CUBN: variants seen among roughly 807,000 people sequenced by gnomAD.
CUBN encodes 460 kDa receptor.
CUBN carries 282 observed loss-of-function variants against 405.3 expected under a neutral mutation model. The observed-to-expected ratio is 0.70, with a 90% confidence interval of 0.63 to 0.77. The LOEUF (loss-of-function observed/expected upper bound fraction) is 0.77. Ranked by LOEUF, CUBN falls within the 30% of genes least tolerant of loss-of-function variation. CUBN has a pLI of 0.00. For missense variants in CUBN, 4,514 were observed against 4,475.2 expected (o/e 1.01, Z -0.25); for synonymous variants, 1,684 against 1,617.0 (o/e 1.04, Z -0.99).
At chr10:17,122,979 G>T (rs1037806081) in intron 5 of CUBN, 81 bp from the exon 6 acceptor site, 17 of 927,580 alleles carry the variant, frequency 1.8e-5, no homozygotes, top group Non-Finnish European at 3.1e-5. Flanking sequence ...TACGTTTAAG[G>T]ATTTATACGT....
At chr10:17,084,550 A>AC in intron 16 of CUBN, 89 bp from the exon 17 acceptor site, 1 of 923,452 alleles carries the variant, frequency 1.1e-6, no homozygotes, top group Non-Finnish European at 1.7e-6. Flanking sequence ...ATTTACCCAC[A>AC]CACACACACA....
At position 16,898,983 on chromosome 10, in the gene CUBN, C is replaced by A. The variant is rs376924108; in HGVS notation, c.8598+13G>T. 1.9e-6 allele frequency: 3 copies of A among 1,583,650 alleles called. No individual in the cohort carries two copies. The highest frequency in any genetic ancestry group is 2.6e-6 in the Non-Finnish European group (3 of 1,152,202). On this transcript the variant is annotated intron_variant, in intron 54 of 66. Coordinates refer to ENST00000377833, the MANE Select transcript of CUBN (RefSeq NM_001081.4). ...ACCAACTTGGCTCCAATTAAATGAACAAGTGTACTAACCTTCACGAAGCTA... is the reference window on the plus strand; with the variant it reads ...ACCAACTTGGCTCCAATTAAATGAAAAAGTGTACTAACCTTCACGAAGCTA...
intron 22 of CUBN, among the ~76,000 whole-genome samples, chr10:17,061,625 C>G (rs572751179): frequency 6.6e-6 from 1 of 152,296 alleles, no homozygotes; most frequent in South Asian, 2.1e-4. Flanking sequence ...TAACCACCCA[C>G]TGATGAGTAG....
intron 56 of CUBN, among the ~76,000 whole-genome samples, chr10:16,883,807 A>G (rs1265665516): frequency 1.3e-5 from 2 of 152,118 alleles, no homozygotes; most frequent in Non-Finnish European, 2.9e-5. Context: ...CCACCTCACG[A>G]GCTAAGCGCT....
chr10:17,066,152 A>T (rs1227228201), intron 21 of CUBN, among the ~76,000 whole-genome samples: 1 of 152,156 alleles, frequency 6.6e-6, no homozygotes, highest in East Asian at 1.9e-4. Flanking sequence ...AGTGCCTACA[A>T]TCGTAACCCC....
chr10:16,929,103 C>T (rs1017330483), intron 40 of CUBN, among the ~76,000 whole-genome samples: 1 of 151,240 alleles, frequency 6.6e-6, no homozygotes, highest in African/African-American at 2.4e-5. Flanking sequence ...TCTTCAGTGC[C>T]AGTGGGGTTT....
chr10:17,091,249 T>C (rs774613709), intron 14 of CUBN, among the ~76,000 whole-genome samples: 35 of 152,206 alleles, frequency 2.3e-4, no homozygotes, highest in Non-Finnish European at 8.8e-5. Flanking sequence ...CACGGAAAAG[T>C]GTTTCATTTT....
At chr10:16,855,985 A>G (rs1839858886) in intron 59 of CUBN, among the ~76,000 whole-genome samples, 1 of 152,186 alleles carries the variant, frequency 6.6e-6, no homozygotes, top group African/African-American at 2.4e-5. Context: ...GTAATGATCA[A>G]TATTAACAAA....
At chr10:17,020,765 C>T (rs1412622803) in intron 27 of CUBN, among the ~76,000 whole-genome samples, 6 of 152,014 alleles carry the variant, frequency 3.9e-5, no homozygotes, top group Non-Finnish European at 8.8e-5. Context: ...GTGTAAAATG[C>T]CACAAATATA....
At chr10:17,087,466 CTTTTTCTTTTTTTTTTTT>C (rs1836140912) in intron 15 of CUBN, among the ~76,000 whole-genome samples, 2 of 79,790 alleles carry the variant, frequency 2.5e-5, no homozygotes, top group Non-Finnish European at 4.6e-5. Flanking sequence ...TATTATTTTT[CTTTTTCTTTTTTTTTTTT>C]TTTTTTTTTT....
chr10:17,031,198 A>G (rs999194452), intron 27 of CUBN, among the ~76,000 whole-genome samples: 2 of 152,200 alleles, frequency 1.3e-5, no homozygotes, highest in African/African-American at 4.8e-5. Context: ...AGAAAACAAG[A>G]GGAAAATTAA....
chr10:17,047,461 G>A lies in CUBN; in HGVS notation c.3282C>T (p.Ser1094=). 5.0e-6 allele frequency: 8 copies of A among 1,614,046 alleles called. No homozygotes were observed. Among genetic ancestry groups the A allele is most frequent in the Non-Finnish European group, 6.8e-6 (8 of 1,179,948 alleles). The change falls in exon 23 of 67, where the codon TCC becomes TCT. Residue 1094 remains serine, a synonymous_variant. Transcript: ENST00000377833. ...QLIAVHFTNF[S]LEEAIGNYYT... The stretch of plus-strand genomic sequence containing the variant: ...AATAGTTTCCAATGGCTTCCTCCAA[G>A]GAGAAGTTTGTGAAGTGCACTGCAA...
At chr10:17,023,379 G>GAA (rs137856627) in intron 27 of CUBN, among the ~76,000 whole-genome samples, 1 of 142,246 alleles carries the variant, frequency 7.0e-6, no homozygotes, top group African/African-American at 2.6e-5. Context: ...TCTCGAAAAG[G>GAA]AAAAAAAAAA....
intron 62 of CUBN, 144 bp downstream of exon 62, chr10:16,840,186 C>A (rs1839298954): frequency 1.4e-6 from 1 of 699,968 alleles, no homozygotes; most frequent in Non-Finnish European, 2.5e-6. Flanking sequence ...AACAAACTTG[C>A]ACATTGTGCG....
At chr10:17,049,278 C>G (rs1248538463) in intron 22 of CUBN, among the ~76,000 whole-genome samples, 1 of 152,218 alleles carries the variant, frequency 6.6e-6, no homozygotes, top group East Asian at 1.9e-4. Flanking sequence ...GACCCAGTAT[C>G]CCTGAGTTGA....
At chr10:16,997,525 T>C (rs1833769505) in intron 28 of CUBN, among the ~76,000 whole-genome samples, 1 of 151,324 alleles carries the variant, frequency 6.6e-6, no homozygotes, top group Admixed American at 6.6e-5. Flanking sequence ...AGGTGTGATG[T>C]GAATTGGTAA....
intron 3 of CUBN, 53 bp from the exon 4 acceptor site, chr10:17,126,852 T>G (rs1837203349): frequency 1.3e-6 from 2 of 1,572,154 alleles, no homozygotes; most frequent in Non-Finnish European, 1.8e-6. Flanking sequence ...GCATTGCACA[T>G]GTGATGTTAT....
chr10:17,040,977 G>T, intron 27 of CUBN, 56 bp downstream of exon 27: 1 of 1,520,930 alleles, frequency 6.6e-7, no homozygotes, highest in South Asian at 1.1e-5. Context: ...ATTCTAACTT[G>T]ACACATCTCC....
chr10:16,882,359 A>C (rs1840686660), intron 56 of CUBN, among the ~76,000 whole-genome samples: 1 of 152,192 alleles, frequency 6.6e-6, no homozygotes, highest in Non-Finnish European at 1.5e-5. Context: ...TGTTTTTATG[A>C]CTATTTTCCA....
Sources: allele counts gnomAD v4.1 joint callset (sites outside exome capture counted in the v4.1 genomes callset), GRCh38; gene constraint gnomAD v4.1.1; transcripts MANE v1.5; gene names NCBI Gene and HGNC (gene_info 2026-07-23, HGNC 2026-07-21).